Variants in RBFOX1 observed in about 807,000 individuals in gnomAD.
RBFOX1 encodes the protein RNA binding fox-1 homolog 1, also known as RNA binding protein fox-1 homolog 1.
In RBFOX1, 8 loss-of-function variants were observed where a neutral mutation model predicts 57.7. That is an observed-to-expected ratio of 0.14 (90% CI 0.08 to 0.25). RBFOX1 has a LOEUF of 0.25. RBFOX1 is among the 10% of genes least tolerant of loss of function. The pLI is 1.00. For missense variants in RBFOX1, 611 were observed against 548.5 expected (o/e 1.11, Z -1.14); for synonymous variants, 326 against 222.4 (o/e 1.47, Z -4.15).
At chr16:5,643,799 C>T (rs142267141) in intron 3 of RBFOX1, among the ~76,000 whole-genome samples, 1 of 152,170 alleles carries the variant, frequency 6.6e-6, no homozygotes, top group South Asian at 2.1e-4. Context: ...CTACTGTCCC[C>T]TAATCACAAG....
intron 4 of RBFOX1, among the ~76,000 whole-genome samples, chr16:7,431,993 C>T (rs1469847791): frequency 3.9e-5 from 6 of 152,254 alleles, no homozygotes; most frequent in Admixed American, 3.9e-4. Context: ...AGTGGGCAGC[C>T]TGTGGCACCT....
At chr16:7,514,784 A>G (rs947109450) in intron 4 of RBFOX1, among the ~76,000 whole-genome samples, 3 of 152,194 alleles carry the variant, frequency 2.0e-5, no homozygotes, top group African/African-American at 7.2e-5. Flanking sequence ...TCTTCAATAC[A>G]GAGATAGCTC....
At chr16:7,138,430 A>T (rs774711777) in intron 4 of RBFOX1, among the ~76,000 whole-genome samples, 1 of 152,160 alleles carries the variant, frequency 6.6e-6, no homozygotes, top group Non-Finnish European at 1.5e-5. Flanking sequence ...CTTATTGGCA[A>T]CGTGGAGGCA....
chr16:7,177,430 A>T (rs1490887825), intron 4 of RBFOX1, among the ~76,000 whole-genome samples: 1 of 152,084 alleles, frequency 6.6e-6, no homozygotes, highest in Non-Finnish European at 1.5e-5. Flanking sequence ...TAAACATTCT[A>T]TGCATGTAAC....
intron 1 of RBFOX1, among the ~76,000 whole-genome samples, chr16:6,133,062 G>A (rs1351407772): frequency 6.7e-6 from 1 of 149,520 alleles, no homozygotes; most frequent in African/African-American, 2.5e-5. Context: ...CTGAGAGACT[G>A]CCTCAAAGGA....
At chr16:6,765,416 A>C (rs1412864850) in intron 3 of RBFOX1, among the ~76,000 whole-genome samples, 2 of 152,222 alleles carry the variant, frequency 1.3e-5, no homozygotes, top group East Asian at 3.8e-4. Flanking sequence ...CAGGAAAAAT[A>C]ACTGTTGAGT....
chr16:6,158,155 C>T (rs1425752996), intron 1 of RBFOX1, among the ~76,000 whole-genome samples: 1 of 152,050 alleles, frequency 6.6e-6, no homozygotes, highest in Non-Finnish European at 1.5e-5. Context: ...TAATGATGTC[C>T]ACTTTAGTCA....
chr16:6,640,270 T>C (rs908851008), intron 2 of RBFOX1, among the ~76,000 whole-genome samples: 3 of 152,290 alleles, frequency 2.0e-5, no homozygotes, highest in Middle Eastern at 6.8e-3. Flanking sequence ...GAAGTTGATA[T>C]ACTATTAAGA....
intron 3 of RBFOX1, among the ~76,000 whole-genome samples, chr16:6,899,215 G>C (rs1053297663): frequency 1.3e-5 from 2 of 148,226 alleles, no homozygotes; most frequent in African/African-American, 5.3e-5. Context: ...GTATATGTGT[G>C]TGTATGTGTG....
At chr16:6,994,183 T>A (rs1004697089) in intron 3 of RBFOX1, among the ~76,000 whole-genome samples, 4 of 152,126 alleles carry the variant, frequency 2.6e-5, no homozygotes, top group African/African-American at 9.7e-5. Context: ...GAAGCTCCTT[T>A]CCAGTCTGCA....
At chr16:7,680,515 T>G (rs1479130865) in intron 14 of RBFOX1, among the ~76,000 whole-genome samples, 1 of 152,118 alleles carries the variant, frequency 6.6e-6, no homozygotes, top group Non-Finnish European at 1.5e-5. Flanking sequence ...AGACAGTTTT[T>G]CACTCAGATT....
chr16:6,968,042 G>A (rs1196543154), intron 3 of RBFOX1, among the ~76,000 whole-genome samples: 2 of 152,154 alleles, frequency 1.3e-5, no homozygotes, highest in African/African-American at 4.8e-5. Context: ...TGGGCTCACA[G>A]TGCTGGGAGG....
chr16:6,502,048 C>G (rs1312868131), intron 2 of RBFOX1, among the ~76,000 whole-genome samples: 3 of 152,140 alleles, frequency 2.0e-5, no homozygotes, highest in Non-Finnish European at 4.4e-5. Context: ...GGGTATAACC[C>G]TGGTTTCCTA....
chr16:7,042,029 C>T lies in RBFOX1; in HGVS notation c.-15-10028C>T, dbSNP rs115313021. Among the ~76,000 whole-genome samples, 1,191 of 152,282 alleles carry T rather than the reference C, an allele frequency of 7.8e-3. 14 individuals are homozygous for T. The highest frequency in any genetic ancestry group is 0.025 in the African/African-American group (1,020 of 41,550). On this transcript the variant is annotated intron_variant, in intron 3 of 15. Transcript: ENST00000550418. ...TTAGTCTGATTCCTTAACCTCCAGT[C>T]TCCATTGGGGAGAAAACTGGATCTA...
intron 4 of RBFOX1, among the ~76,000 whole-genome samples, chr16:7,451,394 A>G (rs2098854014): frequency 6.6e-6 from 1 of 152,188 alleles, no homozygotes. Flanking sequence ...AAATCCAAGT[A>G]TTTCAACCTG....
intron 2 of RBFOX1, among the ~76,000 whole-genome samples, chr16:6,554,933 T>G (rs2153889052): frequency 6.6e-6 from 1 of 152,306 alleles, no homozygotes; most frequent in East Asian, 1.9e-4. Flanking sequence ...AGCTGGAGAA[T>G]TTGACCTAGG....
At chr16:7,063,832 T>C (rs1054321812) in intron 4 of RBFOX1, among the ~76,000 whole-genome samples, 3 of 152,164 alleles carry the variant, frequency 2.0e-5, no homozygotes, top group African/African-American at 4.8e-5. Flanking sequence ...TCAAGTAATA[T>C]AGAGATGTTT....
At chr16:7,542,104 G>C (rs1216712473) in intron 5 of RBFOX1, among the ~76,000 whole-genome samples, 1 of 152,154 alleles carries the variant, frequency 6.6e-6, no homozygotes, top group Non-Finnish European at 1.5e-5. Flanking sequence ...TGTTAGGAAT[G>C]GCAGATGAGA....
chr16:5,424,914 T>C (rs1444702004), intron 1 of RBFOX1, among the ~76,000 whole-genome samples: 2 of 122,948 alleles, frequency 1.6e-5, no homozygotes, highest in African/African-American at 3.6e-5. Context: ...TTTCTTTCTT[T>C]CTTTCTTTCT....
Sources: allele counts gnomAD v4.1 joint callset (sites outside exome capture counted in the v4.1 genomes callset), GRCh38; gene constraint gnomAD v4.1.1; transcripts MANE v1.5; gene names NCBI Gene and HGNC (gene_info 2026-07-23, HGNC 2026-07-21).